Variants in ZDHHC21 observed in about 807,000 individuals in gnomAD.
The protein encoded by ZDHHC21 is zDHHC palmitoyltransferase 21, also known as palmitoyltransferase ZDHHC21.
Under a neutral mutation model 34.6 loss-of-function variants are expected in ZDHHC21, and 15 were observed. The observed-to-expected ratio is 0.43, with a 90% CI of 0.29 to 0.67. ZDHHC21 has a LOEUF of 0.67. ZDHHC21 is among the 30% of genes least tolerant of loss of function. The pLI is 0.14. For missense variants in ZDHHC21, 344 were observed against 327.7 expected, an observed-to-expected ratio of 1.05 and a Z score of -0.38; for synonymous variants, 142 against 101.8, an observed-to-expected ratio of 1.40 and a Z score of -2.38.
At chr9:14,676,708 T>C (rs772430020) in intron 3 of ZDHHC21, among the ~76,000 whole-genome samples, 1 of 151,924 alleles carries the variant, frequency 6.6e-6, no homozygotes, top group African/African-American at 2.4e-5. Flanking sequence ...TCAGACAGGA[T>C]AAAGCATGCT....
intron 8 of ZDHHC21, among the ~76,000 whole-genome samples, chr9:14,637,035 G>A (rs559543914): frequency 3.1e-4 from 47 of 151,702 alleles, no homozygotes; most frequent in African/African-American, 1.1e-3. Context: ...ATTAGTAGAA[G>A]GAAAGAAATA....
the ZDHHC21 span, among the ~76,000 whole-genome samples, chr9:14,604,547 T>G: frequency 3.9e-5 from 6 of 152,144 alleles, no homozygotes; most frequent in African/African-American, 1.2e-4. Flanking sequence ...GTTGAGGACT[T>G]AGATGTATCT....
chr9:14,690,261 A>C, intron 2 of ZDHHC21, 76 bp downstream of exon 2: 1 of 432,200 alleles, frequency 2.3e-6, no homozygotes. Context: ...ACTAAATTAG[A>C]TTTCCTTCAC....
chr9:14,644,347 TTTTC>T (rs1244477195), intron 7 of ZDHHC21, among the ~76,000 whole-genome samples: 2 of 152,204 alleles, frequency 1.3e-5, no homozygotes, highest in Admixed American at 6.5e-5. Context: ...CAGTTGTACC[TTTTC>T]TTTCTTTCTC....
At chr9:14,647,085 T>G (rs144062321) in intron 7 of ZDHHC21, among the ~76,000 whole-genome samples, 3 of 151,904 alleles carry the variant, frequency 2.0e-5, no homozygotes, top group Non-Finnish European at 4.4e-5. Flanking sequence ...ATAGCAGCAA[T>G]AAACACAGAA....
chr9:14,626,575 T>C (rs1298402599), intron 8 of ZDHHC21, among the ~76,000 whole-genome samples: 1 of 151,880 alleles, frequency 6.6e-6, no homozygotes, highest in Non-Finnish European at 1.5e-5. Context: ...AAATATGCTT[T>C]TACATAGGAA....
At chr9:14,607,580 T>C (rs1013874906), downstream of ZDHHC21, among the ~76,000 whole-genome samples, 1 of 151,358 alleles carries the variant, frequency 6.6e-6, no homozygotes, top group Non-Finnish European at 1.5e-5. Flanking sequence ...GTAACGGCAA[T>C]TTTTTCCATT....
chr9:14,677,406 T>A (rs1836614089), intron 3 of ZDHHC21: 1 of 151,972 alleles, frequency 6.6e-6, no homozygotes, highest in Non-Finnish European at 1.5e-5. Context: ...AATGCATAAC[T>A]GGAAGAGGTG....
the ZDHHC21 span, among the ~76,000 whole-genome samples, chr9:14,592,063 G>C: frequency 2.0e-5 from 3 of 151,944 alleles, no homozygotes; most frequent in African/African-American, 7.2e-5. Context: ...GGTACAATTG[G>C]ATGTCTGCAT....
rs554083815 is a variant in ZDHHC21 at position 14,669,748 on chromosome 9, G to A, written c.253+3082C>T. Among the ~76,000 whole-genome samples, 1,055 of 149,124 alleles carry A rather than the reference G, an allele frequency of 7.1e-3. 35 individuals are homozygous for A. The highest frequency in any genetic ancestry group is 0.057 in the Admixed American group (857 of 14,926). On this transcript the variant is annotated intron_variant, in intron 5 of 9. Coordinates refer to ENST00000380916, the MANE Select transcript of ZDHHC21 (RefSeq NM_178566.6). ...AAATCATCATTCTCAGTAAACTATC[G>A]CAAGAACAAAAAACCAAACACTCCA... is the stretch of plus-strand genomic sequence containing the variant.
At chr9:14,642,687 T>C (rs1829575543) in intron 7 of ZDHHC21, among the ~76,000 whole-genome samples, 1 of 152,164 alleles carries the variant, frequency 6.6e-6, no homozygotes, top group African/African-American at 2.4e-5. Flanking sequence ...AAGGTGGTTA[T>C]CTGCAAGCCA....
At chr9:14,603,977 C>G in the ZDHHC21 span, among the ~76,000 whole-genome samples, 1 of 152,146 alleles carries the variant, frequency 6.6e-6, no homozygotes, top group African/African-American at 2.4e-5. Context: ...TTTTTATTCA[C>G]TTTTTCTCTC....
chr9:14,660,729 C>A (rs537926233), intron 6 of ZDHHC21, among the ~76,000 whole-genome samples: 38 of 152,122 alleles, frequency 2.5e-4, no homozygotes, highest in Non-Finnish European at 3.4e-4. Context: ...AGAAATCACC[C>A]CAACGTTAGA....
intron 8 of ZDHHC21, among the ~76,000 whole-genome samples, chr9:14,638,353 G>A (rs192469335): frequency 2.0e-5 from 3 of 151,510 alleles, no homozygotes; most frequent in African/African-American, 7.2e-5. Flanking sequence ...GAATGAAGAC[G>A]GAAACTGGAC....
intron 6 of ZDHHC21, among the ~76,000 whole-genome samples, chr9:14,659,355 ACTG>A (rs1832938700): frequency 6.6e-6 from 1 of 152,194 alleles, no homozygotes; most frequent in African/African-American, 2.4e-5. Flanking sequence ...CTCTGACATA[ACTG>A]CTAAGCATTC....
chr9:14,658,808 C>A lies in ZDHHC21; in HGVS notation c.445G>T (p.Ala149Ser). 6.2e-7 allele frequency: 1 copy of A among 1,613,478 alleles called. No individual in the cohort carries two copies. Residue 149 changes from alanine to serine, a missense_variant, in exon 7 of 10, where the codon GCA (alanine) becomes TCA (serine). Transcript: ENST00000380916. ...CFYTELLTCYALMFSFCHYYY... is the reference protein window; with the variant it reads ...CFYTELLTCYSLMFSFCHYYY... ...TAGTGGCAGAAAGAAAACATCAGTG[C>A]GTAGCAAGTAAGAAGTTCAGTGTAG...
chr9:14,643,523 C>T (rs892383841), intron 7 of ZDHHC21, among the ~76,000 whole-genome samples: 1 of 152,122 alleles, frequency 6.6e-6, no homozygotes. Context: ...CTTAATTTTA[C>T]GTAGTCCAAT....
chr9:14,610,934 T>C (rs1178278067), downstream of ZDHHC21: 1 of 152,020 alleles, frequency 6.6e-6, no homozygotes, highest in Non-Finnish European at 1.5e-5. Flanking sequence ...CAGAACAATA[T>C]CCTAAGGCTA....
intron 6 of ZDHHC21, among the ~76,000 whole-genome samples, chr9:14,660,372 C>CAAAAAAAAAAA (rs374162221): frequency 1.0e-4 from 6 of 58,790 alleles, no homozygotes; most frequent in Non-Finnish European, 1.1e-4. Flanking sequence ...GACTCCATCT[C>CAAAAAAAAAAA]AAAAAAAAAA....
Sources: allele counts gnomAD v4.1 joint callset (sites outside exome capture counted in the v4.1 genomes callset), GRCh38; gene constraint gnomAD v4.1.1; transcripts MANE v1.5; gene names NCBI Gene and HGNC (gene_info 2026-07-23, HGNC 2026-07-21).